TMEM230: variants seen among roughly 807,000 people sequenced by gnomAD.
TMEM230 encodes UPF0414 transmembrane protein C20orf30.
In TMEM230, 10 loss-of-function variants were observed where a neutral mutation model predicts 15.8. That is an observed-to-expected ratio of 0.63 (90% CI 0.39 to 1.07). The LOEUF is 1.07. TMEM230 is among the 50% of genes least tolerant of loss of function. The pLI is 0.01. For missense variants in TMEM230, 165 were observed against 193.3 expected (o/e 0.85, Z 0.87); for synonymous variants, 67 against 76.9 (o/e 0.87, Z 0.68).
At chr20:5,086,846 C>T (rs888666435) in intron 3 of TMEM230, among the ~76,000 whole-genome samples, 1 of 151,602 alleles carries the variant, frequency 6.6e-6, no homozygotes, top group African/African-American at 2.4e-5. Context: ...ACTACAGATG[C>T]ACACTGCCAC....
At chr20:5,105,010 C>T (rs1333506743) in intron 4 of TMEM230, among the ~76,000 whole-genome samples, 3 of 152,200 alleles carry the variant, frequency 2.0e-5, no homozygotes, top group Non-Finnish European at 2.9e-5. Flanking sequence ...TAAGGCTGGA[C>T]GTGGTAGCTC....
intron 4 of TMEM230, among the ~76,000 whole-genome samples, chr20:5,104,291 C>A (rs1399396203): frequency 6.6e-6 from 1 of 152,180 alleles, no homozygotes; most frequent in African/African-American, 2.4e-5. Context: ...AACTCCTGGG[C>A]TCAAGTGATC....
chr20:5,089,242 GCACGCAC>G (rs2089440921), intron 3 of TMEM230, among the ~76,000 whole-genome samples: 1 of 152,116 alleles, frequency 6.6e-6, no homozygotes, highest in Non-Finnish European at 1.5e-5. Context: ...GGGCGTGGTG[GCACGCAC>G]CTATAGTCCC....
rs1467418748 is a variant in TMEM230 at position 5,071,450 on chromosome 20, C to G, written c.223-2101G>C. On this transcript the variant is annotated intron_variant, in intron 3 of 3. Transcript: ENST00000612323. ...GACCAGCCTGGCCAACAAGGAGACA[C>G]CCCGTCTCTACTAAAAATACAAAAT... Among the ~76,000 whole-genome samples the G allele has an allele frequency of 2.6e-5, 4 of 151,792 alleles. No homozygotes were observed. In the South Asian group the frequency reaches 8.3e-4, roughly 32 times the overall value.
At chr20:5,082,372 C>A (rs1192177546) in intron 3 of TMEM230, among the ~76,000 whole-genome samples, 1 of 152,068 alleles carries the variant, frequency 6.6e-6, no homozygotes, top group African/African-American at 2.4e-5. Flanking sequence ...TCCCAAGTAG[C>A]TGGAACTGCA....
At chr20:5,104,404 G>T (rs2089989219) in intron 4 of TMEM230, among the ~76,000 whole-genome samples, 1 of 152,196 alleles carries the variant, frequency 6.6e-6, no homozygotes, top group Non-Finnish European at 1.5e-5. Flanking sequence ...GAATGCTAGC[G>T]AGGACGTGGA....
chr20:5,083,141 T>C (rs979743182), intron 3 of TMEM230, among the ~76,000 whole-genome samples: 1 of 152,014 alleles, frequency 6.6e-6, no homozygotes, highest in African/African-American at 2.4e-5. Context: ...TTGGCCATGC[T>C]GGTCTCGAAC....
downstream of TMEM230, among the ~76,000 whole-genome samples, chr20:5,099,187 T>C (rs1023754483): frequency 1.4e-5 from 2 of 146,476 alleles, no homozygotes; most frequent in Non-Finnish European, 3.0e-5. Flanking sequence ...CAAGACTCTG[T>C]CTCAAAATAA....
At chr20:5,110,297 TTTTC>T (rs2090261493) in intron 2 of TMEM230, among the ~76,000 whole-genome samples, 1 of 151,974 alleles carries the variant, frequency 6.6e-6, no homozygotes, top group African/African-American at 2.4e-5. Flanking sequence ...GTTTTTTTTT[TTTTC>T]TTTGCGATAG....
Position 5,100,849 on chromosome 20 carries a change from T to C in TMEM230, c.494A>G (p.Tyr165Cys), listed in dbSNP as rs758033952. The C allele has an allele frequency of 6.2e-6, 10 of 1,614,004 alleles. No homozygotes were observed. The East Asian group carries it at 8.9e-5, about 14-fold the overall frequency. Residue 165 changes from tyrosine (Y) to cysteine (C), a missense_variant, in exon 5 of 5, where the codon TAT (tyrosine) becomes TGT (cysteine). Transcript: ENST00000342308. ...GTAACCACGGTAGCCTTTGGATGCA[T>C]AGTAAGCGATGCGCAGGTGGTAAAA...
chr20:5,078,568 G>T (rs2089075590), intron 3 of TMEM230, among the ~76,000 whole-genome samples: 2 of 152,166 alleles, frequency 1.3e-5, no homozygotes, highest in Non-Finnish European at 2.9e-5. Flanking sequence ...CTCGCACTTT[G>T]TGTTCATTAT....
At chr20:5,067,762 C>T (rs1198073353), downstream of TMEM230, among the ~76,000 whole-genome samples, 2 of 135,770 alleles carry the variant, frequency 1.5e-5, no homozygotes, top group African/African-American at 5.6e-5. Context: ...CCCCCCTCTG[C>T]TTTTTTTTTT....
At chr20:5,106,068 G>GGGAC in intron 4 of TMEM230, 120 bp downstream of exon 3, 1 of 1,366,218 alleles carries the variant, frequency 7.3e-7, no homozygotes, top group East Asian at 2.5e-5. Flanking sequence ...ACAGACCACT[G>GGGAC]GGACGGACAA....
chr20:5,075,978 G>A (rs371364151), intron 3 of TMEM230, among the ~76,000 whole-genome samples: 98 of 151,966 alleles, frequency 6.4e-4, no homozygotes, highest in African/African-American at 2.1e-3. Context: ...GCGTGGTGGT[G>A]CGCACCTGTG....
chr20:5,089,529 C>T lies in TMEM230; in HGVS notation c.222+16659G>A, dbSNP rs936650043. ...CAGCCTGATCAACATGGCAAAACCC[C>T]GTCTCCACTAAAAATACAAAAATTA... On this transcript the variant is annotated intron_variant, in intron 3 of 3. Coordinates refer to the TMEM230 transcript ENST00000612323. 5.9e-5 allele frequency among the ~76,000 whole-genome samples: 9 copies of T among 151,608 alleles called. No individual in the cohort carries two copies. The South Asian group carries it at 1.2e-3, about 21-fold the overall frequency.
intron 3 of TMEM230, among the ~76,000 whole-genome samples, chr20:5,079,548 C>G (rs1309553940): frequency 1.3e-5 from 2 of 151,968 alleles, no homozygotes; most frequent in East Asian, 3.8e-4. Flanking sequence ...AGTGCAATGG[C>G]ACAATCATAG....
chr20:5,091,968 T>G (rs1310229984), intron 3 of TMEM230, among the ~76,000 whole-genome samples: 3 of 152,212 alleles, frequency 2.0e-5, no homozygotes, highest in Non-Finnish European at 2.9e-5. Context: ...TTTGTTTTAA[T>G]GAAGAGATAC....
At chr20:5,090,699 G>C (rs1010712534) in intron 3 of TMEM230, among the ~76,000 whole-genome samples, 3 of 151,446 alleles carry the variant, frequency 2.0e-5, no homozygotes, top group Non-Finnish European at 4.4e-5. Flanking sequence ...TAGCGTTTGT[G>C]TATCCTTAGC....
At chr20:5,062,995 C>T in the TMEM230 span, among the ~76,000 whole-genome samples, 2 of 152,130 alleles carry the variant, frequency 1.3e-5, no homozygotes, top group South Asian at 4.2e-4. Flanking sequence ...ATTCTGAGCA[C>T]CATATTGCCT....
Sources: gnomAD v4.1 joint callset for allele counts (sites outside exome capture counted in the v4.1 genomes callset) on GRCh38, gnomAD v4.1.1 for gene constraint, MANE v1.5 for transcripts, NCBI Gene and HGNC (gene_info 2026-07-23, HGNC 2026-07-21) for gene names.